The following MYZAP variants were observed in gnomAD, a reference collection of about 807,000 sequenced individuals.
The protein encoded by MYZAP is myocardial zonula adherens protein, also known as GRINL1A complex locus upstream.
A neutral mutation model predicts 69.4 loss-of-function variants in MYZAP; 66 were observed. The ratio of observed to expected loss-of-function variants is 0.95; its 90% CI spans 0.78 to 1.17. The LOEUF is 1.17. MYZAP is among the 50% of genes most tolerant of loss of function. The pLI is 0.00. For synonymous variants in MYZAP, 256 were observed against 205.9 expected, an observed-to-expected ratio of 1.24 and a Z score of -2.09; for missense variants, 611 against 556.2, an observed-to-expected ratio of 1.10 and a Z score of -0.99.
chr15:57,616,748 T>A lies in MYZAP; in HGVS notation c.163-1285T>A, dbSNP rs1048771038. Among the ~76,000 whole-genome samples the A allele has an allele frequency of 4.0e-5, 6 of 148,420 alleles. No homozygotes were observed. In the East Asian group the frequency reaches 1.2e-3, roughly 30 times the overall value. ...TCACTTGAACCAGGGAGGTGGAGGT[T>A]GCAGTGAGCCACGATCACGCCACTA... is the stretch of plus-strand genomic sequence containing the variant. On this transcript the variant is annotated intron_variant, in intron 2 of 12. Coordinates refer to ENST00000267853, the MANE Select transcript of MYZAP (RefSeq NM_001018100.5).
chr15:57,618,795 T>C (rs2035632719), intron 3 of MYZAP, among the ~76,000 whole-genome samples: 1 of 152,214 alleles, frequency 6.6e-6, no homozygotes, highest in Admixed American at 6.5e-5. Context: ...TCTCTCTCTC[T>C]CCATTTCTTT....
chr15:57,593,214 A>ACACACACACACACCCCC (rs1172761785), intron 1 of MYZAP, among the ~76,000 whole-genome samples: 1 of 141,346 alleles, frequency 7.1e-6, no homozygotes, highest in Non-Finnish European at 1.5e-5. Flanking sequence ...ACACACACAC[A>ACACACACACACACCCCC]CCCCAGAATC....
chr15:57,666,247 C>G (rs1344648812), intron 11 of MYZAP, among the ~76,000 whole-genome samples: 1 of 152,098 alleles, frequency 6.6e-6, no homozygotes, highest in Non-Finnish European at 1.5e-5. Flanking sequence ...AGATTATTAC[C>G]ATTTTTAATG....
At chr15:57,632,044 A>G (rs1163640325) in intron 6 of MYZAP, among the ~76,000 whole-genome samples, 3 of 152,210 alleles carry the variant, frequency 2.0e-5, no homozygotes, top group Non-Finnish European at 2.9e-5. Flanking sequence ...CAAAAGCAAC[A>G]TTTAGGAAAG....
At chr15:57,679,150 T>C (rs2039295663) in intron 12 of MYZAP, among the ~76,000 whole-genome samples, 1 of 152,154 alleles carries the variant, frequency 6.6e-6, no homozygotes, top group South Asian at 2.1e-4. Context: ...TACTCCATCC[T>C]GGGCAACAAG....
intron 10 of MYZAP, among the ~76,000 whole-genome samples, chr15:57,660,970 A>G (rs185560628): frequency 9.2e-5 from 14 of 152,210 alleles, no homozygotes; most frequent in Non-Finnish European, 1.0e-4. Flanking sequence ...AACTTTTGAC[A>G]CTTGGTTGAA....
intron 5 of MYZAP, among the ~76,000 whole-genome samples, chr15:57,626,195 C>G (rs1303043530): frequency 6.6e-6 from 1 of 152,164 alleles, no homozygotes; most frequent in African/African-American, 2.4e-5. Context: ...TGCCTAACCC[C>G]ACACGTCAGC....
intron 11 of MYZAP, among the ~76,000 whole-genome samples, chr15:57,673,455 C>T (rs1448301340): frequency 1.5e-5 from 2 of 137,604 alleles, no homozygotes; most frequent in Non-Finnish European, 1.6e-5. Context: ...TGTGCGCATG[C>T]GTGCATGCGT....
chr15:57,664,448 A>G (rs2038470522), intron 11 of MYZAP, among the ~76,000 whole-genome samples: 1 of 152,188 alleles, frequency 6.6e-6, no homozygotes. Flanking sequence ...CTCTCAGACT[A>G]GCTGATCATT....
intron 8 of MYZAP, 107 bp from the exon 9 acceptor site, chr15:57,637,588 G>A: frequency 8.1e-7 from 1 of 1,236,386 alleles, no homozygotes; most frequent in Non-Finnish European, 1.1e-6. Flanking sequence ...GTAAAACCCA[G>A]GGGGTGTCAT....
intron 2 of MYZAP, among the ~76,000 whole-genome samples, chr15:57,606,677 A>G (rs1204975429): frequency 6.6e-6 from 1 of 152,138 alleles, no homozygotes; most frequent in East Asian, 1.9e-4. Context: ...ATGTATACAT[A>G]TGTAACTAAC....
At chr15:57,604,909 G>A (rs2034650820) in intron 2 of MYZAP, among the ~76,000 whole-genome samples, 1 of 152,210 alleles carries the variant, frequency 6.6e-6, no homozygotes, top group African/African-American at 2.4e-5. Context: ...CCTTGCCTTG[G>A]GGGAATTTGC....
chr15:57,598,303 A>C (rs1183147569), intron 1 of MYZAP, among the ~76,000 whole-genome samples: 1 of 152,110 alleles, frequency 6.6e-6, no homozygotes, highest in Non-Finnish European at 1.5e-5. Flanking sequence ...CTTGTGGAGG[A>C]AACCTGAATG....
chr15:57,614,597 G>C (rs1270239278), intron 2 of MYZAP, among the ~76,000 whole-genome samples: 4 of 152,226 alleles, frequency 2.6e-5, no homozygotes, highest in African/African-American at 9.6e-5. Context: ...GGGAGGCAGT[G>C]AGGCAGGTGT....
At chr15:57,615,040 C>T (rs1202633907) in intron 2 of MYZAP, among the ~76,000 whole-genome samples, 1 of 152,164 alleles carries the variant, frequency 6.6e-6, no homozygotes, top group Non-Finnish European at 1.5e-5. Context: ...CCTGGTGTGG[C>T]TGGTGCTGAT....
intron 1 of MYZAP, among the ~76,000 whole-genome samples, chr15:57,594,772 T>G (rs1373327364): frequency 6.6e-6 from 1 of 152,212 alleles, no homozygotes; most frequent in African/African-American, 2.4e-5. Flanking sequence ...TGGACCTGCT[T>G]TGGGACAAAA....
At chr15:57,594,947 A>G (rs1466226373) in intron 1 of MYZAP, among the ~76,000 whole-genome samples, 1 of 152,228 alleles carries the variant, frequency 6.6e-6, no homozygotes, top group Non-Finnish European at 1.5e-5. Flanking sequence ...CATGTTATCC[A>G]TTAAAATTGT....
intron 1 of MYZAP, among the ~76,000 whole-genome samples, chr15:57,596,910 C>T (rs1445932446): frequency 6.6e-6 from 1 of 152,168 alleles, no homozygotes; most frequent in Non-Finnish European, 1.5e-5. Flanking sequence ...TGCATGCCAC[C>T]ATTACTTGCG....
intron 2 of MYZAP, among the ~76,000 whole-genome samples, chr15:57,614,876 A>G (rs1414963506): frequency 2.0e-5 from 3 of 152,210 alleles, no homozygotes; most frequent in Non-Finnish European, 4.4e-5. Flanking sequence ...GGTCATTGTG[A>G]GGATTAAAGA....
Sources: gnomAD v4.1 joint callset for allele counts (sites outside exome capture counted in the v4.1 genomes callset) on GRCh38, gnomAD v4.1.1 for gene constraint, MANE v1.5 for transcripts, NCBI Gene and HGNC (gene_info 2026-07-23, HGNC 2026-07-21) for gene names.